PHACTR1: variants seen among roughly 807,000 people sequenced by gnomAD.
PHACTR1 encodes the protein RPEL repeat containing 1.
A neutral mutation model predicts 69.2 loss-of-function variants in PHACTR1; 16 were observed. The observed-to-expected ratio is 0.23, with a 90% CI of 0.16 to 0.35. The LOEUF (loss-of-function observed/expected upper bound fraction) is 0.35, where lower values mean the gene tolerates loss of function less well. Ranked by LOEUF, PHACTR1 falls within the 10% of genes least tolerant of loss-of-function variation. PHACTR1 has a pLI of 1.00. For missense variants in PHACTR1, 510 were observed against 734.7 expected (o/e 0.69, Z 3.54); for synonymous variants, 312 against 284.5 (o/e 1.10, Z -0.97).
intron 4 of PHACTR1, among the ~76,000 whole-genome samples, chr6:12,859,458 GA>G (rs1004933508): frequency 6.6e-6 from 1 of 152,150 alleles, no homozygotes; most frequent in Non-Finnish European, 1.5e-5. Flanking sequence ...ACCATGGCTT[GA>G]ATGTCTCAAG....
At chr6:13,045,831 G>A (rs905554694) in intron 4 of PHACTR1, among the ~76,000 whole-genome samples, 10 of 152,208 alleles carry the variant, frequency 6.6e-5, no homozygotes, top group African/African-American at 2.2e-4. Context: ...ACTTGCCTCC[G>A]GCAGTGGGGA....
intron 5 of PHACTR1, among the ~76,000 whole-genome samples, chr6:13,114,242 AT>A (rs1042969932): frequency 2.2e-4 from 33 of 149,736 alleles, no homozygotes; most frequent in Middle Eastern, 3.5e-3. Context: ...GAATACAGTT[AT>A]TTTTTTTTTC....
At chr6:13,253,531 C>T (rs1028243470) in intron 10 of PHACTR1, among the ~76,000 whole-genome samples, 1 of 152,242 alleles carries the variant, frequency 6.6e-6, no homozygotes, top group African/African-American at 2.4e-5. Context: ...TTTGATCACT[C>T]TTTGTCCTTG....
chr6:12,821,117 T>C (rs1776152686), intron 4 of PHACTR1, among the ~76,000 whole-genome samples: 1 of 152,164 alleles, frequency 6.6e-6, no homozygotes, highest in African/African-American at 2.4e-5. Flanking sequence ...AATGTGGTTA[T>C]TCAATGTATT....
At chr6:13,036,987 T>C (rs1269751059) in intron 4 of PHACTR1, among the ~76,000 whole-genome samples, 2 of 152,082 alleles carry the variant, frequency 1.3e-5, no homozygotes, top group African/African-American at 4.8e-5. Flanking sequence ...GAGGGTAGGG[T>C]CATATCAATT....
chr6:12,838,471 A>G (rs1778381095), intron 4 of PHACTR1, among the ~76,000 whole-genome samples: 1 of 152,240 alleles, frequency 6.6e-6, no homozygotes, highest in African/African-American at 2.4e-5. Flanking sequence ...AGTTAAAGGC[A>G]GTACTTTAGA....
At position 13,019,864 on chromosome 6, in the gene PHACTR1, G is replaced by T. The variant is rs534969121; in HGVS notation, c.251-33501G>T. ...CGGTTCACTAACTTATATATGAATG[G>T]TGAGAACTTTTTGGACTTGACTGGG... On this transcript the variant is annotated intron_variant, in intron 4 of 14. Transcript: ENST00000332995. Among the ~76,000 whole-genome samples the T allele has an allele frequency of 3.6e-4, 55 of 152,274 alleles. No individual in the cohort carries two copies. In the South Asian group the frequency reaches 6.2e-3, roughly 17 times the overall value.
chr6:12,947,390 A>G lies in PHACTR1; in HGVS notation c.251-105975A>G, dbSNP rs546669230. On this transcript the variant is annotated intron_variant, in intron 4 of 14. Transcript: ENST00000332995. Reference sequence around the variant, plus strand: ...ACAACAGTTGCCTCATGATTTTCACATCAGTTAATGTAGAGGGAAGTGGTT... The same window carrying G: ...ACAACAGTTGCCTCATGATTTTCACGTCAGTTAATGTAGAGGGAAGTGGTT... 3.9e-4 allele frequency among the ~76,000 whole-genome samples: 58 copies of G among 150,312 alleles called. No homozygotes were observed. In the South Asian group the frequency reaches 0.012, roughly 31 times the overall value.
At chr6:12,944,221 G>A (rs1790355731) in intron 4 of PHACTR1, among the ~76,000 whole-genome samples, 2 of 152,332 alleles carry the variant, frequency 1.3e-5, no homozygotes, top group African/African-American at 2.4e-5. Flanking sequence ...TGCCATCTCA[G>A]TATGGTGGCT....
chr6:12,855,755 C>A (rs567842044), intron 4 of PHACTR1, among the ~76,000 whole-genome samples: 1 of 152,088 alleles, frequency 6.6e-6, no homozygotes, highest in Non-Finnish European at 1.5e-5. Flanking sequence ...AAACAATGTA[C>A]CCTTGTAACA....
chr6:12,866,070 A>G (rs192815987), intron 4 of PHACTR1, among the ~76,000 whole-genome samples: 1 of 152,216 alleles, frequency 6.6e-6, no homozygotes, highest in East Asian at 1.9e-4. Flanking sequence ...AACTCTTTCA[A>G]TTATGTTTTA....
chr6:12,945,246 A>C (rs973435273), intron 4 of PHACTR1, among the ~76,000 whole-genome samples: 3 of 151,948 alleles, frequency 2.0e-5, no homozygotes, highest in African/African-American at 7.3e-5. Context: ...AGCCCTCCCT[A>C]ATCACTCCCC....
chr6:12,828,206 T>C (rs1581950239), intron 4 of PHACTR1, among the ~76,000 whole-genome samples: 1 of 152,214 alleles, frequency 6.6e-6, no homozygotes, highest in African/African-American at 2.4e-5. Flanking sequence ...CATAAAATTC[T>C]CGGCTTAAAG....
intron 4 of PHACTR1, among the ~76,000 whole-genome samples, chr6:12,943,981 G>A (rs543663217): frequency 8.2e-4 from 125 of 152,278 alleles, no homozygotes; most frequent in Middle Eastern, 3.4e-3. Context: ...GCATATTTAG[G>A]TCTCAGGTCA....
intron 10 of PHACTR1, among the ~76,000 whole-genome samples, chr6:13,233,868 CCTT>C (rs1562042831): frequency 6.6e-6 from 1 of 152,172 alleles, no homozygotes; most frequent in African/African-American, 2.4e-5. Context: ...TCCACTTTGT[CCTT>C]CACTCTTTCA....
At chr6:12,922,789 T>G (rs936541878) in intron 4 of PHACTR1, among the ~76,000 whole-genome samples, 1 of 152,144 alleles carries the variant, frequency 6.6e-6, no homozygotes, top group Non-Finnish European at 1.5e-5. Context: ...ATGAAGAAAT[T>G]ATCTGCAGCT....
intron 5 of PHACTR1, among the ~76,000 whole-genome samples, chr6:13,112,827 TG>T (rs1163459470): frequency 6.6e-6 from 1 of 152,220 alleles, no homozygotes; most frequent in Non-Finnish European, 1.5e-5. Flanking sequence ...GTAGGTTGTC[TG>T]TTCACTCTGT....
At chr6:13,051,392 G>T (rs1456603286) in intron 4 of PHACTR1, among the ~76,000 whole-genome samples, 4 of 152,048 alleles carry the variant, frequency 2.6e-5, no homozygotes, top group African/African-American at 9.7e-5. Flanking sequence ...AATTTTCCTT[G>T]TCCCTCTGCT....
chr6:12,954,846 A>C (rs535949319), intron 4 of PHACTR1, among the ~76,000 whole-genome samples: 1 of 152,186 alleles, frequency 6.6e-6, no homozygotes, highest in South Asian at 2.1e-4. Context: ...GGATAGACAA[A>C]TTTGTTCCCC....
Sources: gnomAD v4.1 joint callset for allele counts (sites outside exome capture counted in the v4.1 genomes callset) on GRCh38, gnomAD v4.1.1 for gene constraint, MANE v1.5 for transcripts, NCBI Gene and HGNC (gene_info 2026-07-23, HGNC 2026-07-21) for gene names.